FBXO6: variants seen among roughly 807,000 people sequenced by gnomAD.
The protein encoded by FBXO6 is F-box only protein 6.
A neutral mutation model predicts 25.0 loss-of-function variants in FBXO6; 13 were observed. The observed-to-expected ratio is 0.52, with a 90% CI of 0.34 to 0.83. The LOEUF (loss-of-function observed/expected upper bound fraction) is 0.83, where lower values mean the gene tolerates loss of function less well. Ranked by LOEUF, FBXO6 falls within the 40% of genes least tolerant of loss-of-function variation. The probability of loss-of-function intolerance (pLI) is 0.02; values close to 1 mark genes in which losing one functional copy is unlikely to be tolerated. For synonymous variants in FBXO6, 138 were observed against 155.3 expected (o/e 0.89, Z 0.83); for missense variants, 370 against 380.2 (o/e 0.97, Z 0.22).
chr1:11,673,642 C>A lies in FBXO6; in HGVS notation c.673C>A (p.Arg225=), dbSNP rs138789461. Residue 225 remains arginine, a synonymous_variant, in exon 6 of 6, where the codon CGG becomes AGG. Coordinates refer to ENST00000376753, the MANE Select transcript of FBXO6 (RefSeq NM_018438.6). The surrounding 1 kb of genome is among the most constrained non-coding windows in gnomAD (Gnocchi z 4.3). The part of the protein sequence containing the change: ...EVSYTFSDYP[R]GVRYILFQHG... ...CTCCTACACCTTCTCAGACTACCCC[C>A]GGGGTGTCCGCTACATCCTCTTCCA... The A allele has an allele frequency of 5.6e-6, 9 of 1,613,984 alleles. No individual in the cohort carries two copies. The African/African-American group carries it at 6.7e-5, about 12-fold the overall frequency.
rs1447180243 is a variant in FBXO6 at position 11,673,790 on chromosome 1, A to G, written c.821A>G (p.Gln274Arg). ...NQASSEAQPG[Q>R]KHGQEEAAQS... is the part of the protein sequence containing the mutation. ...GCCTCCTCCGAGGCTCAGCCTGGGC[A>G]GAAGCATGGACAGGAGGAGGCTGCC... The change falls in exon 6 of 6, where the codon CAG becomes CGG. Residue 274 changes from glutamine (Q) to arginine (R), a missense_variant. By Grantham distance (43) the Gln-to-Arg change is conservative (BLOSUM62 1). Transcript: ENST00000376753. This position sits in a 1 kb window ranked among gnomAD's most constrained non-coding sequence, Gnocchi z 4.3. 1 of 1,614,148 alleles carries G rather than the reference A, an allele frequency of 6.2e-7. No individual in the cohort carries two copies. Among genetic ancestry groups the G allele is most frequent in the Non-Finnish European group, 8.5e-7 (1 of 1,180,040 alleles).
chr1:11,671,271 A>G lies in FBXO6; in HGVS notation c.292A>G (p.Met98Val). 6.2e-7 allele frequency: 1 copy of G among 1,613,918 alleles called. No individual in the cohort carries two copies. Among genetic ancestry groups the G allele is most frequent in the Non-Finnish European group, 8.5e-7 (1 of 1,179,886 alleles). The change falls in exon 3 of 6, where the codon ATG becomes GTG. Residue 98 changes from methionine (M) to valine (V), a missense_variant. Transcript: ENST00000376753. The part of the protein sequence containing the change: ...LLRNPCAEED[M>V]FAWQIDFNGG... ...TTGGCTTCTGTTCTTCCTAGAGGAT[A>G]TGTTTGCATGGCAAATTGATTTCAA...
At chr1:11,666,132 C>A (rs1258752583) in intron 1 of FBXO6, among the ~76,000 whole-genome samples, 1 of 144,750 alleles carries the variant, frequency 6.9e-6, no homozygotes, top group Non-Finnish European at 1.5e-5. Context: ...CAGCAGGCTC[C>A]TTCTTTCCCT....
Position 11,668,678 on chromosome 1 carries a change from A to G in FBXO6, c.20A>G (p.Lys7Arg), listed in dbSNP as rs771360200. MDAPHS[K>R]AALDSINELP... is the part of the protein sequence containing the mutation. ...CAGGCCATGGATGCTCCCCACTCCA[A>G]AGCAGCCCTGGACAGCATTAACGAG... The change falls in exon 2 of 6, where the codon AAA becomes AGA. Residue 7 changes from lysine (K) to arginine (R), a missense_variant. By Grantham distance (26) the Lys-to-Arg change is conservative (BLOSUM62 2). Coordinates refer to ENST00000376753, the MANE Select transcript of FBXO6 (RefSeq NM_018438.6). 6.2e-7 allele frequency: 1 copy of G among 1,612,636 alleles called. No homozygotes were observed. The highest frequency in any genetic ancestry group is 8.5e-7 in the Non-Finnish European group (1 of 1,178,824).
chr1:11,667,920 G>A (rs1015607638), intron 1 of FBXO6, among the ~76,000 whole-genome samples: 7 of 152,034 alleles, frequency 4.6e-5, no homozygotes, highest in Admixed American at 6.5e-5. Flanking sequence ...ATGAAACCCC[G>A]TCTCTACTAA....
intron 1 of FBXO6, among the ~76,000 whole-genome samples, chr1:11,665,554 C>CTTTTTT (rs70983579): frequency 0.17 from 6,314 of 37,842 alleles, 2,122 homozygotes; most frequent in African/African-American, 0.29. Context: ...CGCGCCCGGC[C>CTTTTTT]TTTTTTTTTT....
At chr1:11,667,710 G>GCCAAAGT (rs1640482195) in intron 1 of FBXO6, among the ~76,000 whole-genome samples, 2 of 152,140 alleles carry the variant, frequency 1.3e-5, no homozygotes. Context: ...TGACTTCCAG[G>GCCAAAGT]CCAAAGTAAG....
chr1:11,669,664 A>G (rs569660819), intron 2 of FBXO6, among the ~76,000 whole-genome samples: 113 of 47,812 alleles, frequency 2.4e-3, no homozygotes, highest in East Asian at 7.7e-3. Context: ...ACATATACAC[A>G]TGTATATATG....
intron 1 of FBXO6, among the ~76,000 whole-genome samples, chr1:11,667,401 C>G (rs967801109): frequency 3.9e-5 from 6 of 152,178 alleles, no homozygotes; most frequent in African/African-American, 1.4e-4. Context: ...AACCCGTGCG[C>G]AGTGCAGAGG....
Position 11,671,194 on chromosome 1 carries a change from C to G in FBXO6, c.287-72C>G. Reference sequence around the variant, plus strand: ...GCCAACCACCCTCCCTCCCGCCCTCCTGGGACTAAGTGGGGAGGGCTGGAC... The same window carrying G: ...GCCAACCACCCTCCCTCCCGCCCTCGTGGGACTAAGTGGGGAGGGCTGGAC... On this transcript the variant is annotated intron_variant, in intron 2 of 5. Transcript: ENST00000376753. The G allele has an allele frequency of 1.9e-6, 3 of 1,581,678 alleles. No individual in the cohort carries two copies. The South Asian group carries it at 3.4e-5, about 18-fold the overall frequency.
intron 1 of FBXO6, among the ~76,000 whole-genome samples, chr1:11,666,157 G>A (rs1640432512): frequency 6.7e-6 from 1 of 150,118 alleles, no homozygotes; most frequent in South Asian, 2.1e-4. Flanking sequence ...TGTGACCTCG[G>A]CAGGCCTCAT....
At chr1:11,666,443 G>A (rs906339093) in intron 1 of FBXO6, among the ~76,000 whole-genome samples, 2 of 150,310 alleles carry the variant, frequency 1.3e-5, no homozygotes, top group Non-Finnish European at 3.0e-5. Context: ...GTGCAGTGGT[G>A]CAATCTCGGC....
At chr1:11,669,819 T>C (rs1640564987) in intron 2 of FBXO6, among the ~76,000 whole-genome samples, 1 of 149,784 alleles carries the variant, frequency 6.7e-6, no homozygotes, top group Non-Finnish European at 1.5e-5. Context: ...GTACTTTTAG[T>C]AGAGATGAGG....
Position 11,674,037 on chromosome 1 carries a change from G to A in FBXO6, c.*186G>A. On this transcript the variant is annotated 3_prime_UTR_variant, in exon 6 of 6. Coordinates refer to ENST00000376753, the MANE Select transcript of FBXO6 (RefSeq NM_018438.6). This position sits in a 1 kb window ranked among gnomAD's most constrained non-coding sequence, Gnocchi z 6.1. The stretch of plus-strand genomic sequence containing the variant: ...AAATGTTTTCAGGCCGGGCACTGTG[G>A]CTCACGCCTGTAATCCCAGCACTTT... 1.7e-6 allele frequency: 1 copy of A among 591,934 alleles called. No homozygotes were observed. The highest frequency in any genetic ancestry group is 1.9e-5 in the South Asian group (1 of 51,836). The allele number at this position is 591,934 out of a possible 1,614,324, so 36.7% of individuals were successfully genotyped here.
At position 11,668,942 on chromosome 1, in the gene FBXO6, A is replaced by T. The variant is rs895128897; in HGVS notation, c.284A>T (p.Glu95Val). The T allele has an allele frequency of 5.0e-6, 8 of 1,612,882 alleles. No homozygotes were observed. In the African/African-American group the frequency reaches 9.3e-5, roughly 19 times the overall value. The change falls in exon 2 of 6, where the codon GAA becomes GTA. Residue 95 changes from glutamate to valine, a missense_variant and splice_region_variant. Physicochemically the swap from Glu to Val is moderately radical, Grantham distance 121 (BLOSUM62 -2). Transcript: ENST00000376753. ...HRNLLRNPCA[E>V]EDMFAWQIDF... ...AACCTCCTGCGCAACCCGTGTGCTG[A>T]AGGTGGCATGGGGGCAGGGTGGAGG...
chr1:11,667,115 C>G (rs1290337868), intron 1 of FBXO6, among the ~76,000 whole-genome samples: 1 of 151,580 alleles, frequency 6.6e-6, no homozygotes, highest in Non-Finnish European at 1.5e-5. Flanking sequence ...CCATTGCACT[C>G]CAGCCTGGGC....
intron 2 of FBXO6, 52 bp downstream of exon 2, chr1:11,668,996 T>C: frequency 6.3e-7 from 1 of 1,591,916 alleles, no homozygotes. Context: ...CTTCTCATCC[T>C]TGGGCCTTGG....
At chr1:11,669,658 A>ATACACATGTATACATG (rs1278133746) in intron 2 of FBXO6, among the ~76,000 whole-genome samples, 1 of 94,084 alleles carries the variant, frequency 1.1e-5, no homozygotes, top group East Asian at 2.5e-4. Context: ...GTGTATACAT[A>ATACACATGTATACATG]TACACATGTA....
intron 1 of FBXO6, among the ~76,000 whole-genome samples, chr1:11,666,829 A>G (rs548611286): frequency 9.2e-5 from 14 of 152,150 alleles, no homozygotes; most frequent in Non-Finnish European, 2.1e-4. Context: ...TGCTTTGGCC[A>G]AGCCTCTATG....
Sources: allele counts gnomAD v4.1 joint callset (sites outside exome capture counted in the v4.1 genomes callset), GRCh38; gene constraint gnomAD v4.1.1; non-coding constraint Gnocchi (gnomAD v3.1); transcripts MANE v1.5; gene names NCBI Gene and HGNC (gene_info 2026-07-23, HGNC 2026-07-21).